DOK6: variants seen among roughly 807,000 people sequenced by gnomAD.
The protein encoded by DOK6 is downstream of tyrosine kinase 6.
In DOK6, 22 loss-of-function variants were observed where a neutral mutation model predicts 44.0. That is an observed-to-expected ratio of 0.50 (90% CI 0.36 to 0.71). The LOEUF (loss-of-function observed/expected upper bound fraction) is 0.71. DOK6 is among the 30% of genes least tolerant of loss of function. The probability of loss-of-function intolerance (pLI) is 0.00; values close to 1 mark genes in which losing one functional copy is unlikely to be tolerated. For missense variants in DOK6, 340 were observed against 416.4 expected (o/e 0.82, Z 1.60); for synonymous variants, 166 against 145.5 (o/e 1.14, Z -1.01).
Position 69,599,513 on chromosome 18 carries a change from G to A in DOK6, c.289+15G>A. 6.2e-7 allele frequency: 1 copy of A among 1,605,252 alleles called. No homozygotes were observed. The highest frequency in any genetic ancestry group is 8.5e-7 in the Non-Finnish European group (1 of 1,173,160). On this transcript the variant is annotated intron_variant, in intron 3 of 7. Coordinates refer to ENST00000382713, the MANE Select transcript of DOK6 (RefSeq NM_152721.6). ...CTGTGAGTCAGGTAAGCTATTATTG[G>A]CCATCTACCCCTTGAGGAAATTGAG... is the stretch of plus-strand genomic sequence containing the variant.
chr18:69,421,879 C>A (rs1361717505), intron 1 of DOK6, among the ~76,000 whole-genome samples: 1 of 37,564 alleles, frequency 2.7e-5, no homozygotes, highest in Non-Finnish European at 6.7e-5. Flanking sequence ...ATCCCAGCTT[C>A]CTCACCTGGA....
rs201641809 is a variant in DOK6, at chr18:69,454,270, A to G, written c.66+52960A>G. Among the ~76,000 whole-genome samples, 18 of 127,082 alleles carry G rather than the reference A, an allele frequency of 1.4e-4. No individual in the cohort carries two copies. In the East Asian group the frequency reaches 1.7e-3, roughly 12 times the overall value. 83.4% of individuals were successfully genotyped at this position (127,082 alleles called of 152,430 possible). A position where few individuals can be genotyped will look rare whatever the true frequency, so the allele number is the denominator to read the frequency against. ...GAAGGACATGAACAGACACTTCTCA[A>G]AAGAAGACATTTATGCAGCCAAAAG... is the stretch of plus-strand genomic sequence containing the variant. On this transcript the variant is annotated intron_variant, in intron 1 of 7. Transcript: ENST00000382713.
chr18:69,497,386 A>G (rs1980921413), intron 1 of DOK6, among the ~76,000 whole-genome samples: 1 of 152,130 alleles, frequency 6.6e-6, no homozygotes, highest in Admixed American at 6.5e-5. Flanking sequence ...ATCTCTGGAA[A>G]CACCCCCCTC....
rs549326243 is a variant in DOK6 at position 69,806,885 on chromosome 18, A to C, written c.857-34359A>C. Among the ~76,000 whole-genome samples the C allele has an allele frequency of 8.5e-5, 13 of 152,160 alleles. No individual in the cohort carries two copies. In the East Asian group the frequency reaches 2.5e-3, roughly 29 times the overall value. On this transcript the variant is annotated intron_variant, in intron 7 of 7. Transcript: ENST00000382713. ...ATCATGTATTCATATGGAAAGTAGA[A>C]TCAATATTGGACTTACATCAAGTTT...
At chr18:69,672,886 G>A (rs1985837991) in intron 3 of DOK6, among the ~76,000 whole-genome samples, 1 of 152,132 alleles carries the variant, frequency 6.6e-6, no homozygotes, top group African/African-American at 2.4e-5. Context: ...GCAATAGCCT[G>A]TAAGGGAAAC....
At chr18:69,473,310 C>T (rs1173546651) in intron 1 of DOK6, among the ~76,000 whole-genome samples, 3 of 151,978 alleles carry the variant, frequency 2.0e-5, no homozygotes, top group South Asian at 2.1e-4. Context: ...AAGTTGTTTG[C>T]GTTTTTATTT....
intron 3 of DOK6, among the ~76,000 whole-genome samples, chr18:69,616,735 G>A (rs1178013082): frequency 6.6e-6 from 1 of 152,070 alleles, no homozygotes; most frequent in African/African-American, 2.4e-5. Context: ...ATATTACCTT[G>A]CTGTCTCACT....
At chr18:69,709,204 A>C (rs147978150) in intron 5 of DOK6, among the ~76,000 whole-genome samples, 13 of 152,312 alleles carry the variant, frequency 8.5e-5, no homozygotes, top group Middle Eastern at 3.4e-3. Flanking sequence ...TAATGGTGGT[A>C]ATAACCACAT....
In DOK6 at chr18:69,546,277, C is replaced by CA. The variant is rs112839837; in HGVS notation, c.67-18196dup. Among the ~76,000 whole-genome samples, 639 of 103,844 alleles carry CA rather than the reference C, an allele frequency of 6.2e-3. 5 individuals carry two copies. Among genetic ancestry groups the CA allele is most frequent in the African/African-American group, 0.014 (415 of 28,924 alleles). The allele number at this position is 103,844 out of a possible 152,430, so 68.1% of individuals were successfully genotyped here. ...GGACAACAAGAGCAAAACTCCGTCT[C>CA]AAAAAAAAAAAAAAGTGTAAACTAA... On this transcript the variant is annotated intron_variant, in intron 1 of 7. Transcript: ENST00000382713.
At chr18:69,709,712 A>G (rs1163999077) in intron 5 of DOK6, among the ~76,000 whole-genome samples, 2 of 152,236 alleles carry the variant, frequency 1.3e-5, no homozygotes, top group East Asian at 3.8e-4. Flanking sequence ...TAGCATTAGC[A>G]AAAGGGTAAA....
rs192968541 is a variant in DOK6 at position 69,589,193 on chromosome 18, T to C, written c.175-10191T>C. 3.3e-3 allele frequency among the ~76,000 whole-genome samples: 497 copies of C among 152,254 alleles called. 2 individuals carry two copies. Among genetic ancestry groups the C allele is most frequent in the Non-Finnish European group, 6.0e-3 (408 of 67,994 alleles). ...AAATTATTGTTATGAAAGCTTAGGA[T>C]TCAAGCATAGAGAGATTAACCTATA... On this transcript the variant is annotated intron_variant, in intron 2 of 7. Coordinates refer to ENST00000382713, the MANE Select transcript of DOK6 (RefSeq NM_152721.6).
At chr18:69,720,740 A>G (rs945223333) in intron 5 of DOK6, among the ~76,000 whole-genome samples, 9 of 152,210 alleles carry the variant, frequency 5.9e-5, no homozygotes, top group Non-Finnish European at 1.5e-5. Context: ...TTCTTTTAGT[A>G]AGTCAGCTTC....
chr18:69,725,915 C>G (rs1286186094), intron 5 of DOK6, among the ~76,000 whole-genome samples: 1 of 152,176 alleles, frequency 6.6e-6, no homozygotes, highest in African/African-American at 2.4e-5. Context: ...GGGCTGTGCA[C>G]CCTCGCTAAG....
chr18:69,610,601 C>T (rs540035155), intron 3 of DOK6, among the ~76,000 whole-genome samples: 2 of 152,158 alleles, frequency 1.3e-5, no homozygotes, highest in South Asian at 4.2e-4. Flanking sequence ...GAAGTATATA[C>T]AATGAACACA....
chr18:69,433,953 A>G (rs1978877420), intron 1 of DOK6, among the ~76,000 whole-genome samples: 2 of 152,248 alleles, frequency 1.3e-5, no homozygotes, highest in Admixed American at 6.5e-5. Context: ...AGAAAACTAC[A>G]TGTACTAACT....
chr18:69,740,118 A>G (rs1251898805), intron 6 of DOK6, among the ~76,000 whole-genome samples: 2 of 152,174 alleles, frequency 1.3e-5, no homozygotes, highest in African/African-American at 4.8e-5. Context: ...CAGGAGGGAA[A>G]GGGCAACACA....
chr18:69,528,991 T>A (rs1380970928), intron 1 of DOK6, among the ~76,000 whole-genome samples: 1 of 152,160 alleles, frequency 6.6e-6, no homozygotes, highest in Non-Finnish European at 1.5e-5. Context: ...TTTCTAGAAT[T>A]CCAGCCCTTT....
At chr18:69,495,004 G>T (rs1980842063) in intron 1 of DOK6, among the ~76,000 whole-genome samples, 1 of 152,206 alleles carries the variant, frequency 6.6e-6, no homozygotes, top group African/African-American at 2.4e-5. Flanking sequence ...CAAGGGGTGT[G>T]TGAGGGAGCA....
intron 7 of DOK6, among the ~76,000 whole-genome samples, chr18:69,827,961 C>T (rs1981789342): frequency 6.6e-6 from 1 of 151,664 alleles, no homozygotes; most frequent in Non-Finnish European, 1.5e-5. Context: ...ATGTATTATT[C>T]TTGTTATTGA....
Sources: allele counts gnomAD v4.1 joint callset (sites outside exome capture counted in the v4.1 genomes callset), GRCh38; gene constraint gnomAD v4.1.1; transcripts MANE v1.5; gene names NCBI Gene and HGNC (gene_info 2026-07-23, HGNC 2026-07-21).